The following CHODL variants were observed in gnomAD, a reference collection of about 807,000 sequenced individuals.
CHODL encodes the protein transmembrane protein MT75.
CHODL carries 29 observed loss-of-function variants against 34.5 expected under a neutral mutation model. That is an observed-to-expected ratio of 0.84 (90% CI 0.63 to 1.15). The LOEUF is 1.15. CHODL is among the 50% of genes most tolerant of loss of function. The probability of loss-of-function intolerance (pLI) is 0.00; values close to 1 mark genes in which losing one functional copy is unlikely to be tolerated. For missense variants in CHODL, 332 were observed against 332.5 expected (o/e 1.00, Z 0.01); for synonymous variants, 125 against 116.1 (o/e 1.08, Z -0.49).
At chr21:18,195,310 T>C (rs562861200) in intron 2 of CHODL, among the ~76,000 whole-genome samples, 26 of 152,296 alleles carry the variant, frequency 1.7e-4, no homozygotes, top group Admixed American at 3.3e-4. Flanking sequence ...TGCCTCGGCC[T>C]CCCAAAGTGC....
At chr21:18,169,465 C>A (rs999267890) in intron 2 of CHODL, among the ~76,000 whole-genome samples, 1 of 150,922 alleles carries the variant, frequency 6.6e-6, no homozygotes, top group African/African-American at 2.4e-5. Context: ...ATTTATCTAT[C>A]TTTATGCCAA....
At chr21:18,001,112 T>C (rs1427143819) in intron 1 of CHODL, among the ~76,000 whole-genome samples, 1 of 152,342 alleles carries the variant, frequency 6.6e-6, no homozygotes. Context: ...TGGGCCATCC[T>C]ATGTAACATG....
At chr21:17,921,773 G>T (rs1056256604) in intron 1 of CHODL, among the ~76,000 whole-genome samples, 3 of 152,184 alleles carry the variant, frequency 2.0e-5, no homozygotes, top group Non-Finnish European at 4.4e-5. Flanking sequence ...AGTCAGGAAG[G>T]CCAGCTAGGA....
At chr21:18,119,372 T>C (rs986536979) in intron 2 of CHODL, among the ~76,000 whole-genome samples, 3 of 152,082 alleles carry the variant, frequency 2.0e-5, no homozygotes, top group Non-Finnish European at 4.4e-5. Context: ...ATCTAACTAG[T>C]TGGGGGCTAA....
At chr21:18,057,602 A>G (rs778114390) in intron 2 of CHODL, among the ~76,000 whole-genome samples, 1 of 152,042 alleles carries the variant, frequency 6.6e-6, no homozygotes, top group Non-Finnish European at 1.5e-5. Context: ...CACTGTTATT[A>G]TATCATGCAC....
At position 18,266,070 on chromosome 21, in the gene CHODL, A is replaced by T; in HGVS notation, c.*32A>T. On this transcript the variant is annotated 3_prime_UTR_variant, in exon 6 of 6. Coordinates refer to ENST00000299295, the MANE Select transcript of CHODL (RefSeq NM_024944.3). ...ATTGACTTGGTTCCAGAATTTTGTA[A>T]TTCTGGATCTGTATAAGGAATGGCA... 1 of 1,613,818 alleles carries T rather than the reference A, an allele frequency of 6.2e-7. No homozygotes were observed. The highest frequency in any genetic ancestry group is 2.2e-5 in the East Asian group (1 of 44,806).
chr21:18,060,383 G>A (rs1353952329), intron 2 of CHODL, among the ~76,000 whole-genome samples: 3 of 151,912 alleles, frequency 2.0e-5, no homozygotes, highest in Non-Finnish European at 4.4e-5. Flanking sequence ...TGAAAAGGTC[G>A]AGGCTGCAGC....
In CHODL at chr21:17,955,847, A is replaced by T. The variant is rs762569752; in HGVS notation, c.-145+38447A>T. ...CTAATTCTGTGGTTAGATGTCTTCA[A>T]TCCTTTATTTGTCAATAATTTGTGA... On this transcript the variant is annotated intron_variant, in intron 1 of 6. Coordinates refer to the CHODL transcript ENST00000400127. Among the ~76,000 whole-genome samples the T allele has an allele frequency of 2.5e-4, 34 of 137,062 alleles. 8 individuals are homozygous for T. The highest frequency in any genetic ancestry group is 4.3e-4 in the Non-Finnish European group (26 of 60,242). 89.9% of individuals were successfully genotyped at this position (137,062 alleles called of 152,430 possible). A position where few individuals can be genotyped will look rare whatever the true frequency, so the allele number is the denominator to read the frequency against.
chr21:18,194,055 G>A (rs746024139), intron 2 of CHODL, among the ~76,000 whole-genome samples: 6 of 151,896 alleles, frequency 4.0e-5, no homozygotes, highest in African/African-American at 4.8e-5. Flanking sequence ...TCTTTCCATT[G>A]CCACTGCTAC....
intron 1 of CHODL, among the ~76,000 whole-genome samples, chr21:17,997,836 G>A (rs1291731569): frequency 6.6e-6 from 1 of 152,006 alleles, no homozygotes; most frequent in Non-Finnish European, 1.5e-5. Context: ...TGGGAATTCT[G>A]GGAGATACAA....
chr21:18,132,232 G>GA (rs941134604), intron 2 of CHODL, among the ~76,000 whole-genome samples: 8 of 151,642 alleles, frequency 5.3e-5, no homozygotes, highest in African/African-American at 1.4e-4. Context: ...CAAGAAAATA[G>GA]AAAAAAAATG....
At chr21:18,162,821 T>C (rs536565033) in intron 2 of CHODL, among the ~76,000 whole-genome samples, 1 of 152,326 alleles carries the variant, frequency 6.6e-6, no homozygotes, top group East Asian at 1.9e-4. Context: ...TTGTTTTTCT[T>C]TTCAAGATAG....
intron 1 of CHODL, among the ~76,000 whole-genome samples, chr21:17,961,762 A>G (rs1396096653): frequency 6.6e-6 from 1 of 152,244 alleles, no homozygotes. Context: ...TTTTTGTTAA[A>G]GACTAATATA....
chr21:18,063,046 G>A (rs1305412368), intron 2 of CHODL, among the ~76,000 whole-genome samples: 3 of 152,176 alleles, frequency 2.0e-5, no homozygotes, highest in East Asian at 1.9e-4. Flanking sequence ...TTTGATGAGT[G>A]TTCCAAAAAT....
At chr21:18,040,607 G>T (rs1326286946) in intron 2 of CHODL, among the ~76,000 whole-genome samples, 1 of 151,722 alleles carries the variant, frequency 6.6e-6, no homozygotes, top group Non-Finnish European at 1.5e-5. Flanking sequence ...GTAACAAAAA[G>T]CTTCTTAATG....
chr21:18,026,802 G>A (rs1213651280), intron 1 of CHODL, among the ~76,000 whole-genome samples: 8 of 152,242 alleles, frequency 5.3e-5, no homozygotes, highest in South Asian at 2.1e-4. Flanking sequence ...TGTGGAGGGC[G>A]CACATTCTTA....
At chr21:17,919,279 GT>G (rs2063165447) in intron 1 of CHODL, among the ~76,000 whole-genome samples, 1 of 152,188 alleles carries the variant, frequency 6.6e-6, no homozygotes, top group African/African-American at 2.4e-5. Flanking sequence ...CCTAGCAGAG[GT>G]TCTCCATGAG....
chr21:18,265,249 G>GTA lies in CHODL; in HGVS notation c.738-697_738-696dup, dbSNP rs760474914. 1.8e-4 allele frequency among the ~76,000 whole-genome samples: 25 copies of GTA among 141,422 alleles called. 2 individuals are homozygous for GTA. Among genetic ancestry groups the GTA allele is most frequent in the Admixed American group, 1.2e-3 (17 of 14,062 alleles). 92.8% of individuals were successfully genotyped at this position (141,422 alleles called of 152,430 possible). A position where few individuals can be genotyped will look rare whatever the true frequency, so the allele number is the denominator to read the frequency against. On this transcript the variant is annotated intron_variant, in intron 5 of 5. Transcript: ENST00000299295. ...TATATATGTGTGTATATATATATGT[G>GTA]TATATATATGTGTATATATATATGT...
rs561040335 is a variant in CHODL at position 18,256,580 on chromosome 21, C to T, written c.151C>T (p.Arg51Ter). ...GGCCTACTTCCATGAACTGTCCAGC[C>T]GAGTGAGCTTTCAGGAGGCACGCCT... ...KMAYFHELSS[R>*]VSFQEARLAC... The change falls in exon 2 of 6, where the codon CGA (arginine) becomes TGA (stop). Residue 51 changes from arginine to a stop codon, truncating the protein, a stop_gained. Transcript: ENST00000299295. LOFTEE classifies it high-confidence loss of function. 3.1e-6 allele frequency: 5 copies of T among 1,613,750 alleles called. No homozygotes were observed. The highest frequency in any genetic ancestry group is 1.7e-5 in the Admixed American group (1 of 59,962).
Sources: allele counts gnomAD v4.1 joint callset (sites outside exome capture counted in the v4.1 genomes callset), GRCh38; gene constraint gnomAD v4.1.1; transcripts MANE v1.5; gene names NCBI Gene and HGNC (gene_info 2026-07-23, HGNC 2026-07-21).